The following GAL3ST1 variants were observed in gnomAD, a reference collection of about 807,000 sequenced individuals.
The protein encoded by GAL3ST1 is galactose-3-O-sulfotransferase 1, also known as galactosylceramide sulfotransferase.
A neutral mutation model predicts 25.0 loss-of-function variants in GAL3ST1; 13 were observed. The ratio of observed to expected loss-of-function variants is 0.52; its 90% CI spans 0.34 to 0.83. The LOEUF is 0.83. Among genes scored for constraint, GAL3ST1 ranks in the 40% least tolerant of loss-of-function variants. The pLI is 0.02. For synonymous variants in GAL3ST1, 274 were observed against 277.8 expected, an observed-to-expected ratio of 0.99 and a Z score of 0.14; for missense variants, 474 against 613.6, an observed-to-expected ratio of 0.77 and a Z score of 2.40.
intron 1 of GAL3ST1, among the ~76,000 whole-genome samples, chr22:30,561,477 G>A (rs1470722930): frequency 6.6e-6 from 1 of 152,224 alleles, no homozygotes; most frequent in Admixed American, 6.5e-5. Context: ...GATGGGAAAG[G>A]TGAGGTTCCA....
Position 30,555,795 on chromosome 22 carries a change from A to G in GAL3ST1, c.430T>C (p.Phe144Leu), listed in dbSNP as rs774947168. The G allele has an allele frequency of 6.2e-7, 1 of 1,614,138 alleles. No individual in the cohort carries two copies. The change falls in exon 4 of 4, where the codon TTC becomes CTC. Residue 144 changes from phenylalanine to leucine, a missense_variant. Physicochemically the swap from Phe to Leu is conservative, Grantham distance 22. This residue lies in a region of GAL3ST1 where 359 missense variants were observed against 504.4 expected (regional missense o/e 0.71). Coordinates refer to ENST00000406361, the MANE Select transcript of GAL3ST1 (RefSeq NM_001318104.2). The surrounding 1 kb of genome is among the most constrained non-coding windows in gnomAD (Gnocchi z 8.6). ...CFNIICNHMR[F>L]HYDEVRGLVP... ...AGGCCGCGCACCTCGTCGTAGTGGA[A>G]GCGCATGTGGTTGCAGATGATGTTG...
chr22:30,555,424 G>A lies in GAL3ST1; in HGVS notation c.801C>T (p.Cys267=). 6.2e-7 allele frequency: 1 copy of A among 1,611,446 alleles called. No homozygotes were observed. The change falls in exon 4 of 4, where the codon TGC becomes TGT. Residue 267 remains cysteine (C), a synonymous_variant. Transcript: ENST00000406361. This position sits in a 1 kb window ranked among gnomAD's most constrained non-coding sequence, Gnocchi z 8.6. ...AGTAGAGCACGTCCTCCAGCTCCCA[G>A]CACAGCAGGTCCTTCAGCAGCACCA... ...ESLVLLKDLL[C]WELEDVLYFK...
At position 30,554,725 on chromosome 22, in the gene GAL3ST1, A is replaced by G. The variant is rs1034332223; in HGVS notation, c.*228T>C. On this transcript the variant is annotated 3_prime_UTR_variant, in exon 4 of 4. Coordinates refer to ENST00000406361, the MANE Select transcript of GAL3ST1 (RefSeq NM_001318104.2). ...AGAACATTCTTTATCGGGGAGGGAA[A>G]GGGGTTTAATAAAAACTGGTATAAT... 1 of 412,794 alleles carries G rather than the reference A, an allele frequency of 2.4e-6. No homozygotes were observed. 25.6% of individuals were successfully genotyped at this position (412,794 alleles called of 1,614,324 possible).
chr22:30,554,970 C>T lies in GAL3ST1; in HGVS notation c.1255G>A (p.Asp419Asn), dbSNP rs781170292. Residue 419 changes from aspartate (D) to asparagine (N), a missense_variant, in exon 4 of 4, where the codon GAT (aspartate) becomes AAT (asparagine). This residue lies in a region of GAL3ST1 where 359 missense variants were observed against 504.4 expected (regional missense o/e 0.71). Transcript: ENST00000406361. ...GTGGGACGTCACCACCGCAGGAAAT[C>T]GCGAATGAACTTCCAGAGCTTGGTG... ...WVTKLWKFIR[D>N]FLRW 18 of 1,578,836 alleles carry T rather than the reference C, an allele frequency of 1.1e-5. No individual in the cohort carries two copies. The highest frequency in any genetic ancestry group is 1.6e-5 in the Non-Finnish European group (18 of 1,156,886).
intron 2 of GAL3ST1, 53 bp from the exon 3 acceptor site, chr22:30,557,454 C>T: frequency 1.2e-6 from 2 of 1,602,130 alleles, no homozygotes; most frequent in Non-Finnish European, 8.5e-7. Flanking sequence ...CCCCAGGGAG[C>T]CCCCAAGGCT....
chr22:30,560,098 G>A lies in GAL3ST1; in HGVS notation c.-119-1710C>T, dbSNP rs533311775. On this transcript the variant is annotated intron_variant, in intron 1 of 3. Transcript: ENST00000406361. ...GCAGAGGTTACCGTGAGCCAAGGTC[G>A]CACCACTGCACTTCAGCCTGGGTGA... Among the ~76,000 whole-genome samples the A allele has an allele frequency of 1.3e-4, 20 of 152,246 alleles. No individual in the cohort carries two copies. The East Asian group carries it at 2.3e-3, about 18-fold the overall frequency.
chr22:30,558,095 A>G (rs2086150067), intron 2 of GAL3ST1, among the ~76,000 whole-genome samples, 184 bp downstream of exon 2: 1 of 151,742 alleles, frequency 6.6e-6, no homozygotes, highest in African/African-American at 2.4e-5. Flanking sequence ...ACCATGAAAC[A>G]CTTTTCTAAG....
chr22:30,556,247 G>T (rs996853697), intron 3 of GAL3ST1, among the ~76,000 whole-genome samples, 154 bp from the exon 4 acceptor site: 1 of 152,118 alleles, frequency 6.6e-6, no homozygotes, highest in Non-Finnish European at 1.5e-5. Context: ...GTGCCTGCGC[G>T]GGTGGTTTGG....
chr22:30,558,901 T>C (rs113327557), intron 1 of GAL3ST1, among the ~76,000 whole-genome samples: 1,879 of 152,332 alleles, frequency 0.012, 41 homozygotes, highest in African/African-American at 0.042. Context: ...CTCACGCCTG[T>C]AATCCTAGCA....
intron 1 of GAL3ST1, among the ~76,000 whole-genome samples, 151 bp downstream of exon 1, chr22:30,574,315 C>A (rs1414590284): frequency 6.6e-6 from 1 of 152,134 alleles, no homozygotes; most frequent in Admixed American, 6.5e-5. Flanking sequence ...GGCAGGGGTA[C>A]CCAGCGCTTA....
chr22:30,570,286 T>C (rs2086741644), intron 1 of GAL3ST1, among the ~76,000 whole-genome samples: 1 of 152,148 alleles, frequency 6.6e-6, no homozygotes, highest in Non-Finnish European at 1.5e-5. Flanking sequence ...CTCCCTATGA[T>C]GTTCGTAGTG....
intron 1 of GAL3ST1, among the ~76,000 whole-genome samples, chr22:30,569,438 G>A (rs1204253225): frequency 6.6e-6 from 1 of 152,136 alleles, no homozygotes; most frequent in Non-Finnish European, 1.5e-5. Flanking sequence ...GCTGGAGGTA[G>A]AGCTAGTCCC....
intron 1 of GAL3ST1, among the ~76,000 whole-genome samples, chr22:30,568,034 C>T (rs548894231): frequency 9.8e-5 from 15 of 152,330 alleles, no homozygotes; most frequent in African/African-American, 3.6e-4. Flanking sequence ...GGCACCTGCA[C>T]TCCAGGACTA....
At chr22:30,557,131 A>G (rs1298426103) in intron 3 of GAL3ST1, 131 bp downstream of exon 3, 2 of 851,232 alleles carry the variant, frequency 2.3e-6, no homozygotes, top group African/African-American at 3.4e-5. Context: ...TGTCTGGCAC[A>G]GCATGGTGCA....
chr22:30,556,128 G>C (rs759175626), intron 3 of GAL3ST1, 35 bp from the exon 4 acceptor site: 59 of 1,531,638 alleles, frequency 3.9e-5, no homozygotes, highest in Non-Finnish European at 4.7e-5. Context: ...GAGCCTCAGG[G>C]GGGTGCTGGG....
At chr22:30,566,289 C>CAT (rs2086621195) in intron 1 of GAL3ST1, 1 of 152,298 alleles carries the variant, frequency 6.6e-6, no homozygotes, top group Non-Finnish European at 1.5e-5. Context: ...GCGGAGCTGG[C>CAT]ATCAAACCGC....
intron 1 of GAL3ST1, among the ~76,000 whole-genome samples, chr22:30,566,320 G>A (rs145481248): frequency 2.6e-5 from 4 of 152,336 alleles, no homozygotes; most frequent in Non-Finnish European, 4.4e-5. Flanking sequence ...GTTTATTAGC[G>A]TGGACTCTGA....
chr22:30,567,554 C>T (rs1440192000), intron 1 of GAL3ST1, among the ~76,000 whole-genome samples: 1 of 152,192 alleles, frequency 6.6e-6, no homozygotes, highest in East Asian at 1.9e-4. Flanking sequence ...GCTGGGATTA[C>T]AGGTGTGAGC....
At chr22:30,574,414 T>G (rs754970155) in intron 1 of GAL3ST1, 52 bp downstream of exon 1, 2 of 151,252 alleles carry the variant, frequency 1.3e-5, no homozygotes, top group Non-Finnish European at 2.9e-5. Flanking sequence ...CCCCAGGGAG[T>G]AGACTGAGGC....
Sources: gnomAD v4.1 joint callset for allele counts (sites outside exome capture counted in the v4.1 genomes callset) on GRCh38, gnomAD v4.1.1 for gene constraint, gnomAD v4.1.1 regional missense constraint, Gnocchi (gnomAD v3.1) non-coding constraint, MANE v1.5 for transcripts, NCBI Gene and HGNC (gene_info 2026-07-23, HGNC 2026-07-21) for gene names.